The following TBCE variants were observed in gnomAD, a reference collection of about 807,000 sequenced individuals.
TBCE encodes tubulin-specific chaperone E.
A neutral mutation model predicts 77.0 loss-of-function variants in TBCE; 53 were observed. The ratio of observed to expected loss-of-function variants is 0.69; its 90% CI spans 0.55 to 0.87. TBCE has a LOEUF of 0.87. TBCE is among the 40% of genes least tolerant of loss of function. The pLI is 0.00. For missense variants in TBCE, 624 were observed against 622.4 expected, an observed-to-expected ratio of 1.00 and a Z score of -0.03; for synonymous variants, 235 against 241.3, an observed-to-expected ratio of 0.97 and a Z score of 0.24.
chr1:235,439,752 T>G (rs1052824417), intron 13 of TBCE, among the ~76,000 whole-genome samples: 5 of 151,884 alleles, frequency 3.3e-5, no homozygotes, highest in Non-Finnish European at 7.4e-5. Context: ...CCTGTCAAAG[T>G]GCTGAGATTA....
chr1:235,399,982 T>TG (rs1163535477), intron 2 of TBCE, among the ~76,000 whole-genome samples: 1 of 152,204 alleles, frequency 6.6e-6, no homozygotes, highest in Non-Finnish European at 1.5e-5. Context: ...AGGAAAGACA[T>TG]GGTTTGGAGA....
intron 10 of TBCE, 34 bp from the exon 11 acceptor site, chr1:235,436,510 C>A: frequency 1.2e-6 from 2 of 1,612,228 alleles, no homozygotes; most frequent in Non-Finnish European, 1.7e-6. Context: ...GCTACTTTCA[C>A]TTCTACTGTG....
At chr1:235,394,182 C>T (rs1305172386) in intron 2 of TBCE, among the ~76,000 whole-genome samples, 1 of 152,104 alleles carries the variant, frequency 6.6e-6, no homozygotes, top group Admixed American at 6.5e-5. Context: ...TCACGCCATT[C>T]TCCTGCCTCA....
At position 235,451,627 on chromosome 1, in the gene TBCE, C is replaced by T. The variant is rs1458665000; in HGVS notation, c.*2865C>T. 1.3e-5 allele frequency: 2 copies of T among 152,142 alleles called. No individual in the cohort carries two copies. The highest frequency in any genetic ancestry group is 1.5e-5 in the Non-Finnish European group (1 of 68,034). The allele number at this position is 152,142 out of a possible 1,614,324, so 9.4% of individuals were successfully genotyped here. ...TTATATTCAAAGATGAGACAAAGTACAGCAAAGGAATCAGACTATCAAAGT... is the reference window on the plus strand; with the variant it reads ...TTATATTCAAAGATGAGACAAAGTATAGCAAAGGAATCAGACTATCAAAGT... On this transcript the variant is annotated 3_prime_UTR_variant, in exon 17 of 17. Transcript: ENST00000642610.
chr1:235,402,735 G>A (rs564639273), intron 3 of TBCE, among the ~76,000 whole-genome samples: 4 of 151,772 alleles, frequency 2.6e-5, no homozygotes, highest in East Asian at 1.9e-4. Context: ...AGTGATCTTC[G>A]CGCCTCAGTC....
chr1:235,413,934 A>T (rs939858241), intron 3 of TBCE: 25 of 157,194 alleles, frequency 1.6e-4, no homozygotes, highest in African/African-American at 6.2e-4. Context: ...GGCTCACTGC[A>T]ACCTCCACTT....
chr1:235,385,052 T>C (rs953735066), intron 2 of TBCE, among the ~76,000 whole-genome samples: 1 of 152,214 alleles, frequency 6.6e-6, no homozygotes, highest in South Asian at 2.1e-4. Flanking sequence ...ACATCTTTAT[T>C]TCTGTCTTCA....
intron 12 of TBCE, among the ~76,000 whole-genome samples, chr1:235,438,558 A>AAAT (rs1404010610): frequency 5.3e-5 from 8 of 151,530 alleles, no homozygotes; most frequent in African/African-American, 1.5e-4. Context: ...AAATTAAAAA[A>AAAT]AAAAAGAGTG....
chr1:235,417,415 A>G (rs192537316), intron 4 of TBCE, among the ~76,000 whole-genome samples: 9 of 152,352 alleles, frequency 5.9e-5, no homozygotes, highest in African/African-American at 2.2e-4. Flanking sequence ...ATAAAACACA[A>G]GTATTTATGT....
chr1:235,403,504 C>G (rs546063125), intron 3 of TBCE, among the ~76,000 whole-genome samples: 34 of 152,306 alleles, frequency 2.2e-4, no homozygotes, highest in African/African-American at 7.9e-4. Flanking sequence ...GCCACCACCC[C>G]CTGTGAAAGG....
intron 2 of TBCE, among the ~76,000 whole-genome samples, chr1:235,398,142 CTTT>C (rs11285697): frequency 3.9e-5 from 5 of 129,742 alleles, no homozygotes; most frequent in East Asian, 4.3e-4. Context: ...TTACTTCTTT[CTTT>C]TTTTTTTTTT....
chr1:235,434,238 AG>A lies in TBCE; in HGVS notation c.697del (p.Glu233AsnfsTer25). 1.2e-6 allele frequency: 2 copies of A among 1,614,196 alleles called. No individual in the cohort carries two copies. Among genetic ancestry groups the A allele is most frequent in the South Asian group, 2.2e-5 (2 of 91,086 alleles). ...TGTGTCGCGGGGTGCCCAGGCCTGG[AG>A]GAACTCTACCTTGAGTCTAACAACA... is the stretch of plus-strand genomic sequence containing the variant. ...LRCVAGCPGL[E>X]ELYLESNNIF... On this transcript the variant is annotated frameshift_variant, in exon 8 of 17. Coordinates refer to ENST00000642610, the MANE Select transcript of TBCE (RefSeq NM_003193.5). LOFTEE classifies it high-confidence loss of function.
At chr1:235,418,831 T>C (rs762503552) in intron 4 of TBCE, among the ~76,000 whole-genome samples, 2 of 152,334 alleles carry the variant, frequency 1.3e-5, no homozygotes, top group Middle Eastern at 6.8e-3. Context: ...TAAAAAATGC[T>C]GTAATTGTTT....
At chr1:235,447,619 A>AGAT (rs1362103225) in intron 15 of TBCE, among the ~76,000 whole-genome samples, 2 of 152,186 alleles carry the variant, frequency 1.3e-5, no homozygotes, top group Non-Finnish European at 2.9e-5. Context: ...CAGAGTTGAG[A>AGAT]GATGTCCTCA....
intron 2 of TBCE, among the ~76,000 whole-genome samples, chr1:235,383,292 G>C (rs935495938): frequency 6.6e-6 from 1 of 152,152 alleles, no homozygotes; most frequent in East Asian, 1.9e-4. Flanking sequence ...TTGACATGGC[G>C]ATGCGGGCTC....
intron 8 of TBCE, among the ~76,000 whole-genome samples, chr1:235,435,470 T>G (rs1681385874): frequency 6.6e-6 from 1 of 152,178 alleles, no homozygotes; most frequent in African/African-American, 2.4e-5. Context: ...TTATAAGAAA[T>G]GATACACAGA....
At chr1:235,377,648 TACCTATTC>T (rs1389204518) in intron 1 of TBCE, among the ~76,000 whole-genome samples, 3 of 124,028 alleles carry the variant, frequency 2.4e-5, no homozygotes, top group Non-Finnish European at 4.8e-5. Context: ...AGGAAATGTC[TACCTATTC>T]TTTTTTTTTT....
At chr1:235,372,346 C>T (rs1471846195) in intron 1 of TBCE, among the ~76,000 whole-genome samples, 2 of 152,190 alleles carry the variant, frequency 1.3e-5, no homozygotes, top group Non-Finnish European at 2.9e-5. Flanking sequence ...GCGTGAGCCA[C>T]CGCTCCTGGC....
chr1:235,444,008 G>A (rs1162560110), intron 15 of TBCE, among the ~76,000 whole-genome samples: 2 of 152,200 alleles, frequency 1.3e-5, no homozygotes, highest in Non-Finnish European at 2.9e-5. Context: ...ATAATTTAGA[G>A]CAGTGAGGAT....
Sources: allele counts gnomAD v4.1 joint callset (sites outside exome capture counted in the v4.1 genomes callset), GRCh38; gene constraint gnomAD v4.1.1; transcripts MANE v1.5; gene names NCBI Gene and HGNC (gene_info 2026-07-23, HGNC 2026-07-21).